The following CRHR1 variants were observed in gnomAD, a reference collection of about 807,000 sequenced individuals.
CRHR1 encodes corticotropin-releasing hormone receptor 1.
A neutral mutation model predicts 56.0 loss-of-function variants in CRHR1; 28 were observed. The observed-to-expected ratio is 0.50, with a 90% CI of 0.37 to 0.69. The LOEUF (loss-of-function observed/expected upper bound fraction) is 0.69, where lower values mean the gene tolerates loss of function less well. Ranked by LOEUF, CRHR1 falls within the 30% of genes least tolerant of loss-of-function variation. The probability of loss-of-function intolerance (pLI) is 0.00; values close to 1 mark genes in which losing one functional copy is unlikely to be tolerated. For missense variants in CRHR1, 376 were observed against 548.0 expected (o/e 0.69, Z 3.13); for synonymous variants, 195 against 216.5 (o/e 0.90, Z 0.87).
intron 4 of CRHR1, among the ~76,000 whole-genome samples, chr17:45,825,329 C>T (rs2062136059): frequency 6.6e-6 from 1 of 152,226 alleles, no homozygotes; most frequent in South Asian, 2.1e-4. Context: ...GAGCCCCCAG[C>T]ACCACCCCTA....
In CRHR1 at chr17:45,807,050, T is replaced by G; in HGVS notation, c.74T>G (p.Leu25Arg). The G allele has an allele frequency of 6.2e-7, 1 of 1,614,042 alleles. No individual in the cohort carries two copies. Among genetic ancestry groups the G allele is most frequent in the Non-Finnish European group, 8.5e-7 (1 of 1,179,992 alleles). Residue 25 changes from leucine to arginine, a missense_variant, in exon 2 of 13, where the codon CTC (leucine) becomes CGC (arginine). Around this residue, in one of 2 missense-constraint regions of CRHR1, gnomAD observed 369 missense variants for 519.5 expected, o/e 0.71. Transcript: ENST00000314537. ...LLGLNPVSAS[L>R]QDQHCESLSL... ...GGGCTGAACCCCGTCTCTGCCTCCC[T>G]CCAGGACCAGCACTGCGAGAGCCTG...
At chr17:45,825,272 G>A (rs932261550) in intron 4 of CRHR1, among the ~76,000 whole-genome samples, 1 of 152,172 alleles carries the variant, frequency 6.6e-6, no homozygotes, top group Non-Finnish European at 1.5e-5. Context: ...ACCACCAGGG[G>A]ACAGGCCCCC....
At chr17:45,796,837 G>A (rs2061526497) in intron 1 of CRHR1, among the ~76,000 whole-genome samples, 1 of 152,182 alleles carries the variant, frequency 6.6e-6, no homozygotes, top group South Asian at 2.1e-4. Flanking sequence ...AAGGTAGAGT[G>A]GTTAAGACAG....
At chr17:45,819,660 TGGAG>T (rs67584582) in intron 3 of CRHR1, among the ~76,000 whole-genome samples, 21,755 of 152,040 alleles carry the variant, frequency 0.14, 2,104 homozygotes, top group Middle Eastern at 0.22. Flanking sequence ...ATTTGGCAAT[TGGAG>T]AGAATCAGCA....
chr17:45,815,282 C>T (rs189144606), intron 2 of CRHR1, among the ~76,000 whole-genome samples: 116 of 152,290 alleles, frequency 7.6e-4, no homozygotes, highest in South Asian at 2.9e-3. Context: ...GAGGGAGGCA[C>T]TAAAAGGCAG....
chr17:45,812,467 G>A (rs139148217), intron 2 of CRHR1, among the ~76,000 whole-genome samples: 96 of 152,262 alleles, frequency 6.3e-4, no homozygotes, highest in African/African-American at 2.3e-3. Context: ...GGACTATGAC[G>A]GCTGACTAGG....
intron 5 of CRHR1, chr17:45,829,611 G>A (rs1457285799): frequency 5.2e-6 from 8 of 1,550,926 alleles, no homozygotes; most frequent in East Asian, 2.4e-5. Flanking sequence ...CTGGAGGTGG[G>A]GGCTCCATGG....
intron 1 of CRHR1, among the ~76,000 whole-genome samples, chr17:45,801,761 G>A (rs2061627115): frequency 6.6e-6 from 1 of 152,206 alleles, no homozygotes; most frequent in Admixed American, 6.5e-5. Context: ...ATGGAGTGGA[G>A]GAGCAAGAGG....
chr17:45,799,940 G>C (rs1462324448), intron 1 of CRHR1: 1 of 152,796 alleles, frequency 6.5e-6, no homozygotes, highest in Admixed American at 6.5e-5. Flanking sequence ...ACAAGCTCAG[G>C]ACCCTCCCCT....
chr17:45,834,466 T>A (rs1876827), intron 12 of CRHR1, among the ~76,000 whole-genome samples, 158 bp from the exon 13 acceptor site: 1 of 152,112 alleles, frequency 6.6e-6, no homozygotes, highest in South Asian at 2.1e-4. Context: ...TGCAAAGCAG[T>A]CGTGTTAAGG....
intron 1 of CRHR1, among the ~76,000 whole-genome samples, chr17:45,801,853 G>A (rs2061628896): frequency 1.3e-5 from 2 of 152,152 alleles, no homozygotes; most frequent in African/African-American, 2.4e-5. Context: ...CATATGCTTC[G>A]ACTGTAGTTC....
At chr17:45,818,879 T>C (rs2061981299) in intron 3 of CRHR1, among the ~76,000 whole-genome samples, 1 of 152,212 alleles carries the variant, frequency 6.6e-6, no homozygotes, top group Non-Finnish European at 1.5e-5. Flanking sequence ...CCGTGATTCT[T>C]TGGGAGGACT....
chr17:45,795,990 T>A (rs2061509902), intron 1 of CRHR1, among the ~76,000 whole-genome samples: 1 of 152,242 alleles, frequency 6.6e-6, no homozygotes, highest in South Asian at 2.1e-4. Context: ...TTTAGCATTT[T>A]TAAATAAAGT....
chr17:45,804,578 C>T (rs747785945), intron 1 of CRHR1, among the ~76,000 whole-genome samples: 1 of 151,888 alleles, frequency 6.6e-6, no homozygotes, highest in East Asian at 1.9e-4. Flanking sequence ...AGAACATTCC[C>T]GGCAGGTGAA....
rs1235419984 is a variant in CRHR1, at chr17:45,816,506, G to A, written c.165G>A (p.Trp55Ter). The change falls in exon 3 of 13, where the codon TGG becomes TGA. Residue 55 changes from tryptophan to a stop codon, truncating the protein, a stop_gained. Coordinates refer to ENST00000314537, the MANE Select transcript of CRHR1 (RefSeq NM_004382.5). LOFTEE classifies it high-confidence loss of function. ...CCGTGGACCTCATTGGCACCTGCTG[G>A]CCCCGCAGCCCTGCGGGGCAGCTAG... The part of the protein sequence containing the change: ...NASVDLIGTC[W>*]PRSPAGQLVV... 1 of 1,613,992 alleles carries A rather than the reference G, an allele frequency of 6.2e-7. No individual in the cohort carries two copies. Among genetic ancestry groups the A allele is most frequent in the Admixed American group, 1.7e-5 (1 of 60,010 alleles).
chr17:45,828,382 G>A (rs2062213585), intron 4 of CRHR1, among the ~76,000 whole-genome samples: 1 of 152,214 alleles, frequency 6.6e-6, no homozygotes, highest in African/African-American at 2.4e-5. Context: ...ATAAAGCCCA[G>A]ATGCCTTTCC....
chr17:45,828,175 AGT>A (rs1289385729), intron 4 of CRHR1, among the ~76,000 whole-genome samples: 12 of 152,284 alleles, frequency 7.9e-5, no homozygotes, highest in African/African-American at 2.6e-4. Flanking sequence ...GACCTATAAA[AGT>A]GTGGATGGGG....
chr17:45,831,546 C>A (rs759611113), intron 8 of CRHR1, among the ~76,000 whole-genome samples: 2 of 152,144 alleles, frequency 1.3e-5, no homozygotes, highest in African/African-American at 4.8e-5. Flanking sequence ...TGGAGCTCAA[C>A]TTTGGCTCAC....
chr17:45,809,760 T>C (rs78397348), intron 2 of CRHR1, among the ~76,000 whole-genome samples: 1,976 of 152,322 alleles, frequency 0.013, 43 homozygotes, highest in African/African-American at 0.04. Flanking sequence ...GGGGGGCCTT[T>C]TACGTGCCTC....
Sources: allele counts gnomAD v4.1 joint callset (sites outside exome capture counted in the v4.1 genomes callset), GRCh38; gene constraint gnomAD v4.1.1; regional missense constraint gnomAD v4.1.1; transcripts MANE v1.5; gene names NCBI Gene and HGNC (gene_info 2026-07-23, HGNC 2026-07-21).